Variants in CNOT6L observed in about 807,000 individuals in gnomAD.
The protein encoded by CNOT6L is CCR4-NOT transcription complex subunit 6-like.
CNOT6L carries 7 observed loss-of-function variants against 64.0 expected under a neutral mutation model. The observed-to-expected ratio is 0.11, with a 90% CI of 0.06 to 0.21. The LOEUF (loss-of-function observed/expected upper bound fraction) is 0.21. Ranked by LOEUF, CNOT6L falls within the 10% of genes least tolerant of loss-of-function variation. CNOT6L has a pLI of 1.00. For missense variants in CNOT6L, 245 were observed against 669.0 expected, an observed-to-expected ratio of 0.37 and a Z score of 6.99; for synonymous variants, 193 against 243.4, an observed-to-expected ratio of 0.79 and a Z score of 1.93.
Position 77,815,261 on chromosome 4 carries a change from C to G in CNOT6L, c.5+4043G>C, listed in dbSNP as rs115289773. Among the ~76,000 whole-genome samples the G allele has an allele frequency of 1.6e-3, 241 of 152,276 alleles. 2 individuals are homozygous for G. Among genetic ancestry groups the G allele is most frequent in the African/African-American group, 5.2e-3 (216 of 41,570 alleles). ...ATACAAAGAGAAATAACTCAAACTGCCAGAACTCATTAAAGCACAATGACA... is the reference window on the plus strand; with the variant it reads ...ATACAAAGAGAAATAACTCAAACTGGCAGAACTCATTAAAGCACAATGACA... On this transcript the variant is annotated intron_variant, in intron 1 of 11. Coordinates refer to ENST00000504123, the MANE Select transcript of CNOT6L (RefSeq NM_144571.3).
At chr4:77,753,202 A>T in intron 5 of CNOT6L, among the ~76,000 whole-genome samples, 1 of 150,870 alleles carries the variant, frequency 6.6e-6, no homozygotes, top group Admixed American at 6.6e-5. Context: ...AAAAAAAAAA[A>T]AAACCCAGAA....
intron 1 of CNOT6L, among the ~76,000 whole-genome samples, chr4:77,796,074 G>T (rs1232508354): frequency 3.3e-5 from 5 of 152,012 alleles, no homozygotes; most frequent in African/African-American, 9.7e-5. Flanking sequence ...GCATGATGCT[G>T]GGGTTTAGGG....
chr4:77,800,754 G>C lies in CNOT6L; in HGVS notation c.5+18550C>G, dbSNP rs554800244. Among the ~76,000 whole-genome samples the C allele has an allele frequency of 5.3e-5, 8 of 152,204 alleles. No individual in the cohort carries two copies. The East Asian group carries it at 1.4e-3, about 26-fold the overall frequency. ...CTACAAGTCTCCATTAAAAACAGTA[G>C]AGTAAAACAGAAAAATCTTAGTAGC... On this transcript the variant is annotated intron_variant, in intron 1 of 11. Coordinates refer to ENST00000504123, the MANE Select transcript of CNOT6L (RefSeq NM_144571.3).
chr4:77,740,221 A>G (rs1351892951), intron 8 of CNOT6L, among the ~76,000 whole-genome samples: 1 of 152,050 alleles, frequency 6.6e-6, no homozygotes, highest in Non-Finnish European at 1.5e-5. Context: ...AAATACAAAA[A>G]TTAGTTAGGT....
intron 1 of CNOT6L, among the ~76,000 whole-genome samples, chr4:77,791,129 T>C (rs1273311271): frequency 6.6e-6 from 1 of 151,918 alleles, no homozygotes; most frequent in Admixed American, 6.6e-5. Flanking sequence ...AATAAAAAAA[T>C]TAGCCAGGCA....
chr4:77,723,483 T>TTTC (rs1721510991), intron 11 of CNOT6L, among the ~76,000 whole-genome samples: 1 of 152,188 alleles, frequency 6.6e-6, no homozygotes, highest in East Asian at 1.9e-4. Context: ...TACTGATTGC[T>TTTC]TTCAATACTG....
rs116605916 is a variant in CNOT6L at position 77,773,000 on chromosome 4, T to C, written c.400+81A>G. On this transcript the variant is annotated intron_variant, in intron 4 of 11. Transcript: ENST00000504123. ...ACACGTAGTCACATTCTAAAACTCA[T>C]ACTAAAACTTGACCTTTTTAAAGGC... 1,444 of 762,324 alleles carry C rather than the reference T, an allele frequency of 1.9e-3. 17 individuals carry two copies. In the African/African-American group the frequency reaches 0.024, roughly 13 times the overall value. 47.2% of individuals were successfully genotyped at this position (762,324 alleles called of 1,614,324 possible).
At chr4:77,784,905 T>C (rs1201169169) in intron 1 of CNOT6L, among the ~76,000 whole-genome samples, 1 of 152,236 alleles carries the variant, frequency 6.6e-6, no homozygotes, top group Non-Finnish European at 1.5e-5. Flanking sequence ...CTTTTACCTC[T>C]TCTTCTGTAT....
intron 1 of CNOT6L, among the ~76,000 whole-genome samples, chr4:77,807,063 G>A (rs979041183): frequency 1.3e-5 from 2 of 151,986 alleles, no homozygotes; most frequent in Admixed American, 6.6e-5. Context: ...TTTTAATAGA[G>A]AGGGGATTTC....
intron 1 of CNOT6L, among the ~76,000 whole-genome samples, chr4:77,808,025 T>C (rs889289114): frequency 2.6e-5 from 4 of 151,356 alleles, no homozygotes; most frequent in African/African-American, 7.4e-5. Flanking sequence ...GGTTTTTACA[T>C]TTTTAAAGGA....
intron 7 of CNOT6L, among the ~76,000 whole-genome samples, chr4:77,743,862 A>G (rs1342439385): frequency 6.6e-6 from 1 of 152,108 alleles, no homozygotes; most frequent in East Asian, 1.9e-4. Context: ...TCGGCCTCCC[A>G]GAGTACTGGG....
chr4:77,767,116 A>AT (rs973027967), intron 4 of CNOT6L, among the ~76,000 whole-genome samples: 6 of 149,154 alleles, frequency 4.0e-5, no homozygotes, highest in Middle Eastern at 3.4e-3. Flanking sequence ...GTTTACAATA[A>AT]AAAAAAAAAA....
rs1721039374 is a variant in CNOT6L at position 77,719,135 on chromosome 4, C to T, written c.*1296G>A. On this transcript the variant is annotated 3_prime_UTR_variant, in exon 12 of 12. Coordinates refer to ENST00000504123, the MANE Select transcript of CNOT6L (RefSeq NM_144571.3). ...ACATCAAGTAGCCAACCAATTTTTC[C>T]CCAGAAAACAGTATTCTGTTCACTG... The T allele has an allele frequency of 6.6e-6, 1 of 152,568 alleles. No individual in the cohort carries two copies. Among genetic ancestry groups the T allele is most frequent in the Admixed American group, 6.6e-5 (1 of 15,264 alleles). 9.5% of individuals were successfully genotyped at this position (152,568 alleles called of 1,614,324 possible).
At chr4:77,800,351 T>A (rs1182562207) in intron 1 of CNOT6L, among the ~76,000 whole-genome samples, 4 of 151,794 alleles carry the variant, frequency 2.6e-5, no homozygotes, top group African/African-American at 9.7e-5. Flanking sequence ...AAAAAAATTT[T>A]TTTTTTTAAA....
rs991916288 is a variant in CNOT6L at position 77,807,309 on chromosome 4, C to A, written c.5+11995G>T. Among the ~76,000 whole-genome samples the A allele has an allele frequency of 2.1e-5, 3 of 142,040 alleles. No homozygotes were observed. The East Asian group carries it at 6.0e-4, about 28-fold the overall frequency. The allele number at this position is 142,040 out of a possible 152,430, so 93.2% of individuals were successfully genotyped here. A position where few individuals can be genotyped will look rare whatever the true frequency, so the allele number is the denominator to read the frequency against. ...AAAAAAAAAATCCTACAATCTAAGGCTACAGGGAGAGGATCTGTTGAGCTC... is the reference window on the plus strand; with the variant it reads ...AAAAAAAAAATCCTACAATCTAAGGATACAGGGAGAGGATCTGTTGAGCTC... On this transcript the variant is annotated intron_variant, in intron 1 of 11. Transcript: ENST00000504123.
intron 8 of CNOT6L, among the ~76,000 whole-genome samples, chr4:77,735,277 T>C (rs777939400): frequency 7.9e-5 from 12 of 152,296 alleles, no homozygotes; most frequent in East Asian, 3.9e-4. Flanking sequence ...AGGTGTTGAT[T>C]TCTAATAAAC....
At chr4:77,730,517 A>T (rs969718644) in intron 9 of CNOT6L, among the ~76,000 whole-genome samples, 1 of 152,134 alleles carries the variant, frequency 6.6e-6, no homozygotes, top group African/African-American at 2.4e-5. Context: ...ATTCTCCACA[A>T]TATCAGAAAA....
At chr4:77,740,905 G>C (rs1464439863) in intron 8 of CNOT6L, among the ~76,000 whole-genome samples, 1 of 152,102 alleles carries the variant, frequency 6.6e-6, no homozygotes, top group Non-Finnish European at 1.5e-5. Context: ...GTAACATGCT[G>C]TACAGGTTTC....
Position 77,715,622 on chromosome 4 carries a change from A to G in CNOT6L, c.*4809T>C, listed in dbSNP as rs1720662961. On this transcript the variant is annotated 3_prime_UTR_variant, in exon 12 of 12. Coordinates refer to ENST00000504123, the MANE Select transcript of CNOT6L (RefSeq NM_144571.3). ...GACCTGGGGTTTAATAGAGACATTTACATAAAAAAGGTATTTGGTTAAAAC... is the reference window on the plus strand; with the variant it reads ...GACCTGGGGTTTAATAGAGACATTTGCATAAAAAAGGTATTTGGTTAAAAC... 6.6e-6 allele frequency: 1 copy of G among 152,498 alleles called. No homozygotes were observed. The highest frequency in any genetic ancestry group is 1.5e-5 in the Non-Finnish European group (1 of 68,008). 9.4% of individuals were successfully genotyped at this position (152,498 alleles called of 1,614,324 possible). A position where few individuals can be genotyped will look rare whatever the true frequency, so the allele number is the denominator to read the frequency against.
Sources: gnomAD v4.1 joint callset for allele counts (sites outside exome capture counted in the v4.1 genomes callset) on GRCh38, gnomAD v4.1.1 for gene constraint, MANE v1.5 for transcripts, NCBI Gene and HGNC (gene_info 2026-07-23, HGNC 2026-07-21) for gene names.